The following CACNG2 variants were observed in gnomAD, a reference collection of about 807,000 sequenced individuals.
CACNG2 encodes voltage-dependent calcium channel gamma-2 subunit.
Under a neutral mutation model 25.9 loss-of-function variants are expected in CACNG2, and 3 were observed. That is an observed-to-expected ratio of 0.12 (90% CI 0.05 to 0.30). CACNG2 has a LOEUF of 0.30. Ranked by LOEUF, CACNG2 falls within the 10% of genes least tolerant of loss-of-function variation. The pLI, the probability that CACNG2 is intolerant of heterozygous loss-of-function variation, is 1.00. For missense variants in CACNG2, 341 were observed against 432.5 expected (o/e 0.79, Z 1.88); for synonymous variants, 167 against 173.3 (o/e 0.96, Z 0.29).
chr22:36,646,495 A>G (rs1287806549), intron 1 of CACNG2, among the ~76,000 whole-genome samples: 1 of 152,192 alleles, frequency 6.6e-6, no homozygotes, highest in Admixed American at 6.5e-5. Context: ...TTGATTTGCA[A>G]TCAGTTACAT....
At chr22:36,652,025 G>A (rs759501175) in intron 1 of CACNG2, among the ~76,000 whole-genome samples, 6 of 152,022 alleles carry the variant, frequency 3.9e-5, no homozygotes, top group African/African-American at 1.5e-4. Context: ...CACCATGCCC[G>A]GCTAATATTT....
intron 1 of CACNG2, among the ~76,000 whole-genome samples, chr22:36,649,283 C>T (rs958892923): frequency 4.6e-5 from 7 of 152,138 alleles, no homozygotes; most frequent in African/African-American, 1.7e-4. Context: ...CAAATCCTGA[C>T]AGCTCTACTT....
chr22:36,624,434 G>A (rs955649095), intron 1 of CACNG2, among the ~76,000 whole-genome samples: 2 of 152,160 alleles, frequency 1.3e-5, no homozygotes, highest in African/African-American at 4.8e-5. Context: ...AGAGAGGTCA[G>A]GCTGCTCACC....
intron 1 of CACNG2, among the ~76,000 whole-genome samples, chr22:36,650,932 A>G (rs992682427): frequency 1.3e-5 from 2 of 152,160 alleles, no homozygotes; most frequent in African/African-American, 4.8e-5. Flanking sequence ...ATTGTTCTTT[A>G]GATATTATTT....
In CACNG2 at chr22:36,562,107, A is replaced by C. The variant is rs1317313980; in HGVS notation, c.*2244T>G. The C allele has an allele frequency of 6.6e-6, 1 of 152,360 alleles. No homozygotes were observed. Among genetic ancestry groups the C allele is most frequent in the Non-Finnish European group, 1.5e-5 (1 of 68,204 alleles). The allele number at this position is 152,360 out of a possible 1,614,324, so 9.4% of individuals were successfully genotyped here. Reference sequence around the variant, plus strand: ...CCTGCGTCTTTCCCCTCTTTGCCTGAACAGCTTTATGTTTGCTCACATGTG... The same window carrying C: ...CCTGCGTCTTTCCCCTCTTTGCCTGCACAGCTTTATGTTTGCTCACATGTG... On this transcript the variant is annotated 3_prime_UTR_variant, in exon 4 of 4. Coordinates refer to ENST00000300105, the MANE Select transcript of CACNG2 (RefSeq NM_006078.5).
At chr22:36,629,971 C>T (rs528336354) in intron 1 of CACNG2, among the ~76,000 whole-genome samples, 3 of 152,306 alleles carry the variant, frequency 2.0e-5, no homozygotes, top group South Asian at 4.1e-4. Flanking sequence ...AGAGAAATCA[C>T]CTTCCATGCT....
chr22:36,665,879 A>G (rs778615012), intron 1 of CACNG2, among the ~76,000 whole-genome samples: 2 of 152,240 alleles, frequency 1.3e-5, no homozygotes, highest in African/African-American at 2.4e-5. Flanking sequence ...ATCTACCCAA[A>G]AGAATGGAAA....
intron 1 of CACNG2, among the ~76,000 whole-genome samples, chr22:36,653,359 G>T (rs1020359866): frequency 7.3e-6 from 1 of 136,866 alleles, no homozygotes; most frequent in Non-Finnish European, 1.5e-5. Context: ...CGGATGAGTT[G>T]CTAACATTGA....
At chr22:36,678,800 C>G (rs1245000425) in intron 1 of CACNG2, among the ~76,000 whole-genome samples, 3 of 152,150 alleles carry the variant, frequency 2.0e-5, no homozygotes, top group African/African-American at 7.2e-5. Context: ...CACAGCTTCC[C>G]TTCGGCAGCA....
intron 2 of CACNG2, among the ~76,000 whole-genome samples, chr22:36,586,206 C>T (rs866346332): frequency 3.3e-5 from 5 of 152,358 alleles, no homozygotes; most frequent in Middle Eastern, 3.4e-3. Context: ...CTTGGCCTCC[C>T]CAGCACGGAG....
chr22:36,690,806 A>T (rs937244185), intron 1 of CACNG2, among the ~76,000 whole-genome samples: 1 of 152,152 alleles, frequency 6.6e-6, no homozygotes, highest in Non-Finnish European at 1.5e-5. Context: ...AAAATCTGAG[A>T]TTAAATAGGC....
intron 1 of CACNG2, among the ~76,000 whole-genome samples, chr22:36,658,063 C>T (rs1212025408): frequency 6.6e-6 from 1 of 152,092 alleles, no homozygotes; most frequent in African/African-American, 2.4e-5. Context: ...ATAATAAGTG[C>T]ATCATTACCA....
chr22:36,571,690 A>C (rs1935227353), intron 2 of CACNG2, among the ~76,000 whole-genome samples: 1 of 152,002 alleles, frequency 6.6e-6, no homozygotes, highest in African/African-American at 2.4e-5. Context: ...CAGCCTAGCC[A>C]ATATGATGAA....
At chr22:36,660,156 A>C (rs141425213) in intron 1 of CACNG2, among the ~76,000 whole-genome samples, 130 of 152,344 alleles carry the variant, frequency 8.5e-4, no homozygotes, top group African/African-American at 3.1e-3. Context: ...GTCCCTCACT[A>C]GGCCGTGAGC....
At chr22:36,679,185 CCTTCCTTCCTTCCTTT>C (rs539454508) in intron 1 of CACNG2, among the ~76,000 whole-genome samples, 10,603 of 100,616 alleles carry the variant, frequency 0.11, 367 homozygotes, top group African/African-American at 0.11. Flanking sequence ...TTCCTTCCTT[CCTTCCTTCCTTCCTTT>C]CTTTCTTTCT....
chr22:36,651,903 G>A (rs770732536), intron 1 of CACNG2, among the ~76,000 whole-genome samples: 1 of 152,094 alleles, frequency 6.6e-6, no homozygotes, highest in African/African-American at 2.4e-5. Context: ...TCGCTCTGTT[G>A]CCCAGGTTGG....
rs116079570 is a variant in CACNG2 at position 36,575,153 on chromosome 22, G to T, written c.296-8660C>A. Among the ~76,000 whole-genome samples the T allele has an allele frequency of 5.8e-3, 886 of 152,344 alleles. 7 individuals are homozygous for T. The highest frequency in any genetic ancestry group is 0.02 in the African/African-American group (841 of 41,572). ...ACTCCGTCTACCTTACTGGGTTACA[G>T]GGATTAAGCAGGAAGAGGAATGTGG... is the stretch of plus-strand genomic sequence containing the variant. On this transcript the variant is annotated intron_variant, in intron 2 of 3. Transcript: ENST00000300105.
chr22:36,685,801 C>CT (rs2146008668), intron 1 of CACNG2, among the ~76,000 whole-genome samples: 1 of 152,356 alleles, frequency 6.6e-6, no homozygotes, highest in South Asian at 2.1e-4. Context: ...TCCTCCCTTC[C>CT]TCCGTCCATC....
Position 36,702,605 on chromosome 22 carries a change from A to G in CACNG2, c.-29T>C, listed in dbSNP as rs768612183. 1.3e-6 allele frequency: 2 copies of G among 1,584,358 alleles called. No individual in the cohort carries two copies. The highest frequency in any genetic ancestry group is 4.5e-5 in the East Asian group (2 of 44,732). On this transcript the variant is annotated 5_prime_UTR_variant, in exon 1 of 4. Transcript: ENST00000300105. ...TCTTCATTATATAAACACCCAACCGACTTCTGGTTCTCGGGAGAGTGTGTG... is the reference window on the plus strand; with the variant it reads ...TCTTCATTATATAAACACCCAACCGGCTTCTGGTTCTCGGGAGAGTGTGTG...
Sources: gnomAD v4.1 joint callset for allele counts (sites outside exome capture counted in the v4.1 genomes callset) on GRCh38, gnomAD v4.1.1 for gene constraint, MANE v1.5 for transcripts, NCBI Gene and HGNC (gene_info 2026-07-23, HGNC 2026-07-21) for gene names.